Variants in EFCAB8 observed in about 807,000 individuals in gnomAD.
EFCAB8 encodes the protein EF-hand calcium-binding domain-containing protein 8.
In EFCAB8, 100 loss-of-function variants were observed where a neutral mutation model predicts 116.3. That is an observed-to-expected ratio of 0.86 (90% CI 0.73 to 1.02). The LOEUF is 1.02. Ranked by LOEUF, EFCAB8 falls within the 50% of genes least tolerant of loss-of-function variation. The pLI, the probability that EFCAB8 is intolerant of heterozygous loss-of-function variation, is 0.00. For synonymous variants in EFCAB8, 558 were observed against 567.9 expected, an observed-to-expected ratio of 0.98 and a Z score of 0.25; for missense variants, 1,320 against 1,416.9, an observed-to-expected ratio of 0.93 and a Z score of 1.10.
Position 32,909,801 on chromosome 20 carries a change from GC to G in EFCAB8, c.1447-16del. ...AGCCCTTCTGACAGACAAGCTCTCT[GC>G]CCCTTTCCTCACCTACAGATCGGGA... On this transcript the variant is annotated intron_variant, in intron 14 of 26. Transcript: ENST00000400522. 8.3e-7 allele frequency: 1 copy of G among 1,208,786 alleles called. No individual in the cohort carries two copies. The highest frequency in any genetic ancestry group is 1.6e-5 in the African/African-American group (1 of 63,694). The allele number at this position is 1,208,786 out of a possible 1,614,324, so 74.9% of individuals were successfully genotyped here.
In EFCAB8 at chr20:32,867,701, G is replaced by T; in HGVS notation, c.162G>T (p.Leu54=). 6.4e-7 allele frequency: 1 copy of T among 1,551,658 alleles called. No homozygotes were observed. The change falls in exon 3 of 27, where the codon CTG becomes CTT. Residue 54 remains leucine, a synonymous_variant. Transcript: ENST00000400522. ...CCCAGCTGTTTACTGAGATACACCT[G>T]GCCAAGATAGAGAAAATGTTTGAGG... The part of the protein sequence containing the change: ...PGSQLFTEIH[L]AKIEKMFEED...
At chr20:32,917,997 A>AG (rs1284553920) in intron 18 of EFCAB8, among the ~76,000 whole-genome samples, 2 of 152,216 alleles carry the variant, frequency 1.3e-5, no homozygotes, top group Non-Finnish European at 2.9e-5. Context: ...AAGCTACTGC[A>AG]GGGGGGCTCT....
rs896505113 is a variant in EFCAB8, at chr20:32,930,651, G to A, written c.2631+35G>A. On this transcript the variant is annotated intron_variant, in intron 21 of 26. Transcript: ENST00000400522. ...AACTGGCAGGAAGATTGAGGGGCTG[G>A]TGCCAGCTAAGTGTTCGGCCATCTC... The A allele has an allele frequency of 3.2e-6, 5 of 1,541,292 alleles. No individual in the cohort carries two copies. The Admixed American group carries it at 9.8e-5, about 30-fold the overall frequency.
intron 7 of EFCAB8, 49 bp downstream of exon 7, chr20:32,889,455 T>G (rs1600388085): frequency 6.7e-7 from 1 of 1,494,288 alleles, no homozygotes; most frequent in African/African-American, 1.4e-5. Flanking sequence ...CTGGGAGCCA[T>G]GCATTTGTGC....
At chr20:32,922,752 G>A (rs1316697738) in intron 20 of EFCAB8, among the ~76,000 whole-genome samples, 2 of 152,182 alleles carry the variant, frequency 1.3e-5, no homozygotes, top group Non-Finnish European at 2.9e-5. Flanking sequence ...GATGCAGGCA[G>A]AGAAGGTAGG....
intron 20 of EFCAB8, among the ~76,000 whole-genome samples, chr20:32,928,652 C>T (rs913795011): frequency 4.6e-5 from 7 of 152,148 alleles, no homozygotes; most frequent in Non-Finnish European, 1.0e-4. Flanking sequence ...ATAATATCAT[C>T]TGCAAACTTA....
chr20:32,922,001 T>C (rs958380624), intron 20 of EFCAB8, among the ~76,000 whole-genome samples: 3 of 152,060 alleles, frequency 2.0e-5, no homozygotes, highest in Non-Finnish European at 4.4e-5. Context: ...AGCTGCTTTT[T>C]TATTTCTAGT....
At chr20:32,953,108 T>G (rs1383349179) in intron 23 of EFCAB8, among the ~76,000 whole-genome samples, 1 of 152,258 alleles carries the variant, frequency 6.6e-6, no homozygotes, top group Non-Finnish European at 1.5e-5. Flanking sequence ...TCACTTAGCA[T>G]AATGCCCTCA....
chr20:32,959,411 C>T (rs1018534019), intron 24 of EFCAB8, among the ~76,000 whole-genome samples: 1 of 152,230 alleles, frequency 6.6e-6, no homozygotes, highest in African/African-American at 2.4e-5. Flanking sequence ...TCAAGGCATA[C>T]ATCTTGACAG....
intron 5 of EFCAB8, among the ~76,000 whole-genome samples, chr20:32,885,009 C>T (rs1985537275): frequency 6.6e-6 from 1 of 152,182 alleles, no homozygotes; most frequent in Non-Finnish European, 1.5e-5. Flanking sequence ...CCCTAATTCC[C>T]CACTGCTCCT....
At chr20:32,930,669 GC>G in intron 21 of EFCAB8, 53 bp downstream of exon 21, 1 of 1,513,612 alleles carries the variant, frequency 6.6e-7, no homozygotes, top group Non-Finnish European at 9.0e-7. Flanking sequence ...TAAGTGTTCG[GC>G]CATCTCTTTG....
rs56136077 is a variant in EFCAB8, at chr20:32,939,125, C to CTCTTTCTTTCTT, written c.2791-4444_2791-4433dup. Among the ~76,000 whole-genome samples the CTCTTTCTTTCTT allele has an allele frequency of 5.0e-3, 282 of 56,518 alleles. 6 individuals are homozygous for CTCTTTCTTTCTT. Among genetic ancestry groups the CTCTTTCTTTCTT allele is most frequent in the East Asian group, 0.019 (34 of 1,762 alleles). The allele number at this position is 56,518 out of a possible 152,430, so 37.1% of individuals were successfully genotyped here. A position where few individuals can be genotyped will look rare whatever the true frequency, so the allele number is the denominator to read the frequency against. ...CCTTCCTTTCTTTCTCTCTTTCTTTCTCTTTCTTTCTTTCTTTCTTTCTTT... is the reference window on the plus strand; with the variant it reads ...CCTTCCTTTCTTTCTCTCTTTCTTTCTCTTTCTTTCTTTCTTTCTTTCTTTCTTTCTTTCTTT... On this transcript the variant is annotated intron_variant, in intron 22 of 26. Transcript: ENST00000400522.
intron 4 of EFCAB8, among the ~76,000 whole-genome samples, chr20:32,878,170 G>A (rs1029499951): frequency 3.3e-5 from 5 of 152,144 alleles, no homozygotes; most frequent in African/African-American, 9.7e-5. Flanking sequence ...GGAGGCTGAG[G>A]TGGGAGGATC....
intron 8 of EFCAB8, 38 bp downstream of exon 8, chr20:32,892,335 G>A: frequency 6.5e-7 from 1 of 1,540,616 alleles, no homozygotes; most frequent in Non-Finnish European, 8.8e-7. Context: ...TGAACCAGGA[G>A]GCCCAGGCCT....
intron 17 of EFCAB8, among the ~76,000 whole-genome samples, chr20:32,915,663 T>A (rs1987151916): frequency 6.6e-6 from 1 of 150,380 alleles, no homozygotes; most frequent in Admixed American, 6.7e-5. Flanking sequence ...ATCCTCTACC[T>A]ATTACCTACT....
At chr20:32,948,820 T>TA (rs1410325218) in intron 23 of EFCAB8, among the ~76,000 whole-genome samples, 4 of 152,112 alleles carry the variant, frequency 2.6e-5, no homozygotes, top group Admixed American at 6.5e-5. Context: ...CCATTTCTGA[T>TA]AAAAAACATT....
chr20:32,912,793 G>C lies in EFCAB8; in HGVS notation c.1786-1G>C, dbSNP rs1320523343. The C allele has an allele frequency of 2.1e-5, 15 of 718,744 alleles. No individual in the cohort carries two copies. The highest frequency in any genetic ancestry group is 3.6e-5 in the Non-Finnish European group (14 of 385,138). 44.5% of individuals were successfully genotyped at this position (718,744 alleles called of 1,614,324 possible). On this transcript the variant is annotated splice_acceptor_variant, in intron 16 of 26. Coordinates refer to ENST00000400522, the MANE Select transcript of EFCAB8 (RefSeq NM_001143967.2). LOFTEE classifies it high-confidence loss of function. The stretch of plus-strand genomic sequence containing the variant: ...GTTCTGTTTTCTTTCATCTTCAACA[G>C]ATTAGTGGGATTATCCATATGAACA...
intron 7 of EFCAB8, 38 bp downstream of exon 7, chr20:32,889,444 A>AGTGG: frequency 1.3e-6 from 2 of 1,512,900 alleles, no homozygotes; most frequent in Non-Finnish European, 1.8e-6. Context: ...GCTCTCAGCC[A>AGTGG]CTGGGAGCCA....
intron 9 of EFCAB8, 87 bp downstream of exon 9, chr20:32,893,385 C>A: frequency 6.6e-7 from 1 of 1,510,192 alleles, no homozygotes. Flanking sequence ...GAGCCCCCCA[C>A]TCCCTGCCTC....
Sources: gnomAD v4.1 joint callset for allele counts (sites outside exome capture counted in the v4.1 genomes callset) on GRCh38, gnomAD v4.1.1 for gene constraint, MANE v1.5 for transcripts, NCBI Gene and HGNC (gene_info 2026-07-23, HGNC 2026-07-21) for gene names.